Variants in LRP1 observed in about 807,000 individuals in gnomAD.
LRP1 encodes prolow-density lipoprotein receptor-related protein 1.
A neutral mutation model predicts 541.5 loss-of-function variants in LRP1; 51 were observed. The ratio of observed to expected loss-of-function variants is 0.09; its 90% CI spans 0.08 to 0.12. LRP1 has a LOEUF of 0.12. LRP1 is among the 10% of genes least tolerant of loss of function. LRP1 has a pLI of 1.00. For synonymous variants in LRP1, 2,219 were observed against 2,470.8 expected (o/e 0.90, Z 3.02); for missense variants, 3,878 against 6,376.2 (o/e 0.61, Z 13.34).
chr12:57,142,578 G>A (rs545073104), intron 3 of LRP1, among the ~76,000 whole-genome samples: 2 of 152,242 alleles, frequency 1.3e-5, no homozygotes, highest in South Asian at 2.1e-4. Context: ...CCTTCCTCTC[G>A]TGTGGTGTGT....
At position 57,156,376 on chromosome 12, in the gene LRP1, G is replaced by A; in HGVS notation, c.1417+93G>A. ...ACAGCCCCTCTCTGGGCCCTCCTGTGGGGACCCTGGCTTCTTTCATGTCAT... is the reference window on the plus strand; with the variant it reads ...ACAGCCCCTCTCTGGGCCCTCCTGTAGGGACCCTGGCTTCTTTCATGTCAT... On this transcript the variant is annotated intron_variant, in intron 9 of 88. Coordinates refer to ENST00000243077, the MANE Select transcript of LRP1 (RefSeq NM_002332.3). This position sits in a 1 kb window ranked among gnomAD's most constrained non-coding sequence, Gnocchi z 5.2. 7.7e-7 allele frequency: 1 copy of A among 1,297,678 alleles called. No individual in the cohort carries two copies. The highest frequency in any genetic ancestry group is 1.1e-6 in the Non-Finnish European group (1 of 951,196). The allele number at this position is 1,297,678 out of a possible 1,614,324, so 80.4% of individuals were successfully genotyped here.
At position 57,202,543 on chromosome 12, in the gene LRP1, T is replaced by TGGGGGCCCCCCC; in HGVS notation, c.10711+6_10711+7insGGGGGCCCCCCC. ...CTCCGATGAAGAGAGCTGCAGTACG[T>TGGGGGCCCCCCC]CCCCACCCACCCAGCCCCGCATGAG... On this transcript the variant is annotated splice_region_variant and intron_variant, in intron 68 of 88. Coordinates refer to ENST00000243077, the MANE Select transcript of LRP1 (RefSeq NM_002332.3). 2.6e-6 allele frequency: 4 copies of TGGGGGCCCCCCC among 1,523,616 alleles called. No homozygotes were observed. Among genetic ancestry groups the TGGGGGCCCCCCC allele is most frequent in the Non-Finnish European group, 2.7e-6 (3 of 1,124,794 alleles). 94.4% of individuals were successfully genotyped at this position (1,523,616 alleles called of 1,614,324 possible). A position where few individuals can be genotyped will look rare whatever the true frequency, so the allele number is the denominator to read the frequency against.
chr12:57,173,522 A>C lies in LRP1; in HGVS notation c.3346+172A>C, dbSNP rs983854568. Among the ~76,000 whole-genome samples the C allele has an allele frequency of 6.6e-6, 1 of 152,180 alleles. No homozygotes were observed. Among genetic ancestry groups the C allele is most frequent in the African/African-American group, 2.4e-5 (1 of 41,442 alleles). On this transcript the variant is annotated intron_variant, in intron 21 of 88. Transcript: ENST00000243077. The surrounding 1 kb of genome is among the most constrained non-coding windows in gnomAD (Gnocchi z 4.7). The stretch of plus-strand genomic sequence containing the variant: ...AAGCTTGTGTGTCATGGGTGGGGGA[A>C]GGCATGAAGGGCCAGAGCCTGCACA...
chr12:57,158,490 G>A lies in LRP1; in HGVS notation c.1650G>A (p.Glu550=). ...GMDMGAKVPD[E]HMIPIENLMN... ...ATATGGGGGCCAAGGTCCCGGATGA[G>A]CACATGATCCCCATTGAAAACCTCA... The change falls in exon 11 of 89, where the codon GAG becomes GAA. Residue 550 remains glutamate (E), a synonymous_variant. Transcript: ENST00000243077. The surrounding 1 kb of genome is among the most constrained non-coding windows in gnomAD (Gnocchi z 5.3). 1 of 1,614,210 alleles carries A rather than the reference G, an allele frequency of 6.2e-7. No individual in the cohort carries two copies. Among genetic ancestry groups the A allele is most frequent in the Non-Finnish European group, 8.5e-7 (1 of 1,180,026 alleles).
In LRP1 at chr12:57,185,547, G is replaced by A. The variant is rs1230701961; in HGVS notation, c.6480G>A (p.Ala2160=). The change falls in exon 41 of 89, where the codon GCG becomes GCA. Residue 2160 remains alanine, a synonymous_variant. Transcript: ENST00000243077. This position sits in a 1 kb window ranked among gnomAD's most constrained non-coding sequence, Gnocchi z 4.9. The part of the protein sequence containing the change: ...RDRQKGTNVC[A]VANGGCQQLC... ...CTCCCCCAGGCACCAACGTGTGCGC[G>A]GTGGCCAATGGCGGGTGCCAGCAGC... The A allele has an allele frequency of 1.8e-5, 28 of 1,595,396 alleles. No individual in the cohort carries two copies. Among genetic ancestry groups the A allele is most frequent in the East Asian group, 1.3e-4 (6 of 44,494 alleles).
chr12:57,205,607 C>T lies in LRP1; in HGVS notation c.11520C>T (p.Asn3840=), dbSNP rs2036759611. ...RFGTCSQLCN[N]TKGGHLCSCA... ...GCACCTGCTCCCAGCTCTGCAACAA[C>T]ACCAAGGGCGGCCACCTCTGCAGCT... The change falls in exon 75 of 89, where the codon AAC becomes AAT. Residue 3840 remains asparagine, a synonymous_variant. Coordinates refer to ENST00000243077, the MANE Select transcript of LRP1 (RefSeq NM_002332.3). The surrounding 1 kb of genome is among the most constrained non-coding windows in gnomAD (Gnocchi z 4.6). 6.2e-7 allele frequency: 1 copy of T among 1,613,932 alleles called. No individual in the cohort carries two copies. Among genetic ancestry groups the T allele is most frequent in the African/African-American group, 1.3e-5 (1 of 75,064 alleles).
At chr12:57,132,271 G>A (rs961197607) in intron 1 of LRP1, 29 of 152,274 alleles carry the variant, frequency 1.9e-4, no homozygotes, top group African/African-American at 6.5e-4. Context: ...CCCTGGGAAA[G>A]AGGTGAGGGG....
intron 6 of LRP1, among the ~76,000 whole-genome samples, chr12:57,145,764 G>C (rs1011214400): frequency 2.0e-5 from 3 of 152,190 alleles, no homozygotes; most frequent in Non-Finnish European, 4.4e-5. Context: ...ACCAGGGACT[G>C]TCCCTTCTCT....
chr12:57,175,009 G>A (rs35792438), intron 22 of LRP1, among the ~76,000 whole-genome samples: 3,130 of 152,214 alleles, frequency 0.021, 129 homozygotes, highest in African/African-American at 0.071. Context: ...GCAGTTTCCA[G>A]GGTGTGCCAG....
chr12:57,184,464 A>C lies in LRP1; in HGVS notation c.6186+12A>C. ...CAGTGGACTACCAGGTTCGCACGCC[A>C]ACTTGGCCTTGGATCCGATGGTAGA... On this transcript the variant is annotated intron_variant, in intron 38 of 88. Coordinates refer to ENST00000243077, the MANE Select transcript of LRP1 (RefSeq NM_002332.3). The surrounding 1 kb of genome is among the most constrained non-coding windows in gnomAD (Gnocchi z 7.8). The C allele has an allele frequency of 2.5e-6, 4 of 1,614,126 alleles. No homozygotes were observed. In the South Asian group the frequency reaches 3.3e-5, roughly 13 times the overall value.
At chr12:57,140,074 A>C (rs551712241) in intron 2 of LRP1, among the ~76,000 whole-genome samples, 112 of 152,306 alleles carry the variant, frequency 7.4e-4, no homozygotes, top group African/African-American at 2.6e-3. Context: ...AGGAAGTTGC[A>C]GAGATGATAT....
At chr12:57,142,025 T>C (rs776883344) in intron 3 of LRP1, among the ~76,000 whole-genome samples, 3 of 152,154 alleles carry the variant, frequency 2.0e-5, no homozygotes, top group Non-Finnish European at 4.4e-5. Flanking sequence ...CCTCCCTCTC[T>C]GACAGTCTAG....
chr12:57,167,129 A>G, intron 18 of LRP1, 83 bp downstream of exon 18: 1 of 1,156,152 alleles, frequency 8.6e-7, no homozygotes, highest in South Asian at 1.3e-5. Context: ...TGCCGGAGAC[A>G]CCTGCAACCC....
chr12:57,206,858 G>C lies in LRP1; in HGVS notation c.11859+117G>C, dbSNP rs1373986378. On this transcript the variant is annotated intron_variant, in intron 76 of 88. Transcript: ENST00000243077. The surrounding 1 kb of genome is among the most constrained non-coding windows in gnomAD (Gnocchi z 4.7). ...GCAGTGGCTCACGCCTATAATCCCA[G>C]CACTTTGGGAGGCCAAGGCGGGCAG... 1 of 1,236,782 alleles carries C rather than the reference G, an allele frequency of 8.1e-7. No individual in the cohort carries two copies. Among genetic ancestry groups the C allele is most frequent in the Non-Finnish European group, 1.1e-6 (1 of 894,024 alleles). The allele number at this position is 1,236,782 out of a possible 1,614,324, so 76.6% of individuals were successfully genotyped here. A position where few individuals can be genotyped will look rare whatever the true frequency, so the allele number is the denominator to read the frequency against.
Position 57,205,068 on chromosome 12 carries a change from A to G in LRP1, c.11195-41A>G. The G allele has an allele frequency of 1.3e-6, 2 of 1,581,358 alleles. No homozygotes were observed. Among genetic ancestry groups the G allele is most frequent in the Non-Finnish European group, 1.7e-6 (2 of 1,160,274 alleles). ...TGGGGTTGCCGTGGGAGGAGGAGGC[A>G]GGGGAGAATACCCAGGGCCTAAAGC... On this transcript the variant is annotated intron_variant, in intron 72 of 88. Transcript: ENST00000243077. This position sits in a 1 kb window ranked among gnomAD's most constrained non-coding sequence, Gnocchi z 4.6.
At chr12:57,171,941 C>T (rs1275596365) in intron 20 of LRP1, among the ~76,000 whole-genome samples, 1 of 152,168 alleles carries the variant, frequency 6.6e-6, no homozygotes, top group Non-Finnish European at 1.5e-5. Context: ...TCCCTGCACC[C>T]TTGGAACAAA....
At chr12:57,194,730 C>T in intron 50 of LRP1, 31 bp downstream of exon 50, 1 of 1,524,076 alleles carries the variant, frequency 6.6e-7, no homozygotes, top group Non-Finnish European at 8.8e-7. Flanking sequence ...CTCAGTGCTC[C>T]AAGAGCCTGC....
chr12:57,150,702 C>G (rs2035510193), intron 6 of LRP1, among the ~76,000 whole-genome samples: 1 of 152,154 alleles, frequency 6.6e-6, no homozygotes, highest in Admixed American at 6.5e-5. Flanking sequence ...GGAACCGCAG[C>G]CCCCATGTGG....
chr12:57,198,390 A>T (rs934205071), intron 59 of LRP1, 47 bp downstream of exon 59: 2 of 1,605,900 alleles, frequency 1.2e-6, no homozygotes, highest in Non-Finnish European at 1.7e-6. Flanking sequence ...GCAGCATCCA[A>T]GCCCAGCCTC....
Sources: allele counts gnomAD v4.1 joint callset (sites outside exome capture counted in the v4.1 genomes callset), GRCh38; gene constraint gnomAD v4.1.1; non-coding constraint Gnocchi (gnomAD v3.1); transcripts MANE v1.5; gene names NCBI Gene and HGNC (gene_info 2026-07-23, HGNC 2026-07-21).